The following C20orf203 variants were observed in gnomAD, a reference collection of about 807,000 sequenced individuals.
C20orf203 encodes the protein uncharacterized protein C20orf203.
A neutral mutation model predicts 15.9 loss-of-function variants in C20orf203; 16 were observed. That is an observed-to-expected ratio of 1.01 (90% confidence interval 0.68 to 1.53). The LOEUF is 1.53. Ranked by LOEUF, C20orf203 falls within the 40% of genes most tolerant of loss-of-function variation. The probability of loss-of-function intolerance (pLI) is 0.00; values close to 1 mark genes in which losing one functional copy is unlikely to be tolerated. For synonymous variants in C20orf203, 98 were observed against 97.2 expected, an observed-to-expected ratio of 1.01 and a Z score of -0.05; for missense variants, 263 against 247.5, an observed-to-expected ratio of 1.06 and a Z score of -0.42.
At chr20:32,671,875 GGGGTT>G (rs71970512) in intron 1 of C20orf203, among the ~76,000 whole-genome samples, 97,128 of 143,114 alleles carry the variant, frequency 0.68, 34,101 homozygotes, top group Middle Eastern at 0.83. Flanking sequence ...TAGTAGAATG[GGGGTT>G]GGGTTGCCAG....
chr20:32,650,450 T>C lies in C20orf203; in HGVS notation c.567A>G (p.Ser189=). 6.5e-7 allele frequency: 1 copy of C among 1,549,956 alleles called. No homozygotes were observed. The highest frequency in any genetic ancestry group is 1.7e-4 in the Middle Eastern group (1 of 5,986). The change falls in exon 4 of 6, where the codon TCA becomes TCG. Residue 189 remains serine (S), a synonymous_variant. Coordinates refer to ENST00000608990, the MANE Select transcript of C20orf203 (RefSeq NM_182584.4). ...ISKQQFLSNS[S]RSLFN Reference sequence around the variant, plus strand: ...GGCTCGGCTAATTAAACAGCGACCGTGATGAATTGGAGAGAAACTGCTGCT... The same window carrying C: ...GGCTCGGCTAATTAAACAGCGACCGCGATGAATTGGAGAGAAACTGCTGCT...
In C20orf203 at chr20:32,650,713, C is replaced by T. The variant is rs1982591820; in HGVS notation, c.304G>A (p.Glu102Lys). Residue 102 changes from glutamate to lysine, a missense_variant, in exon 4 of 6, where the codon GAG (glutamate) becomes AAG (lysine). Glu to Lys is a moderately conservative substitution (Grantham distance 56). Transcript: ENST00000608990. ...AGGCCTCCAACTTCCCCCCACCCCT[C>T]CCCACCAACCCAAATCCTTTCCTGA... ...PYQERIWVGG[E>K]GWGEVGGLRL... The T allele has an allele frequency of 6.5e-7, 1 of 1,547,024 alleles. No homozygotes were observed. Among genetic ancestry groups the T allele is most frequent in the Non-Finnish European group, 8.7e-7 (1 of 1,145,028 alleles).
chr20:32,644,112 G>A (rs1454183371), intron 4 of C20orf203, among the ~76,000 whole-genome samples: 1 of 152,200 alleles, frequency 6.6e-6, no homozygotes, highest in African/African-American at 2.4e-5. Context: ...TACCCAGAAG[G>A]TTGTCAGGAC....
In C20orf203 at chr20:32,634,264, C is replaced by G. The variant is rs2145657849; in HGVS notation, c.*1306G>C. On this transcript the variant is annotated 3_prime_UTR_variant, in exon 6 of 6. Coordinates refer to ENST00000608990, the MANE Select transcript of C20orf203 (RefSeq NM_182584.4). Reference sequence around the variant, plus strand: ...GAAAAGCTTCCTGGAGAAGGTTATGCTGGAGTCTGGAAAGATAAGAAAGAA... The same window carrying G: ...GAAAAGCTTCCTGGAGAAGGTTATGGTGGAGTCTGGAAAGATAAGAAAGAA... 5.0e-6 allele frequency: 2 copies of G among 398,480 alleles called. No individual in the cohort carries two copies. Among genetic ancestry groups the G allele is most frequent in the East Asian group, 7.1e-5 (2 of 28,076 alleles). 24.7% of individuals were successfully genotyped at this position (398,480 alleles called of 1,614,324 possible). A position where few individuals can be genotyped will look rare whatever the true frequency, so the allele number is the denominator to read the frequency against.
intron 4 of C20orf203, among the ~76,000 whole-genome samples, chr20:32,647,148 A>G (rs748671766): frequency 6.6e-6 from 1 of 152,200 alleles, no homozygotes; most frequent in Non-Finnish European, 1.5e-5. Context: ...TAATCCCAGC[A>G]CTTTGGGAGG....
chr20:32,643,618 C>T (rs866784768), intron 4 of C20orf203, among the ~76,000 whole-genome samples: 40 of 139,294 alleles, frequency 2.9e-4, no homozygotes, highest in African/African-American at 1.1e-3. Flanking sequence ...CCAGCCGCTT[C>T]CTGGAACCAC....
At chr20:32,652,522 T>C (rs1029046176) in intron 1 of C20orf203, among the ~76,000 whole-genome samples, 1 of 151,620 alleles carries the variant, frequency 6.6e-6, no homozygotes, top group African/African-American at 2.4e-5. Flanking sequence ...GGGGTGCTGA[T>C]GGAGCCTCCT....
intron 5 of C20orf203, among the ~76,000 whole-genome samples, chr20:32,639,884 G>T (rs77761872): frequency 6.6e-6 from 1 of 152,176 alleles, no homozygotes; most frequent in Admixed American, 6.5e-5. Flanking sequence ...TGGCACACAC[G>T]TAATCATAAC....
intron 1 of C20orf203, chr20:32,657,521 G>A (rs1405649492): frequency 7.0e-6 from 1 of 142,342 alleles, no homozygotes; most frequent in Non-Finnish European, 1.6e-5. Flanking sequence ...AACAACAAAG[G>A]AGTTTGAGAC....
intron 1 of C20orf203, among the ~76,000 whole-genome samples, chr20:32,664,942 C>T (rs1281080141): frequency 6.6e-6 from 1 of 152,236 alleles, no homozygotes; most frequent in Non-Finnish European, 1.5e-5. Flanking sequence ...TGCTAGTGTG[C>T]AGCAGGGCTG....
In C20orf203 at chr20:32,651,071, A is replaced by G. The variant is rs1014082095; in HGVS notation, c.82T>C (p.Trp28Arg). 2 of 1,528,692 alleles carry G rather than the reference A, an allele frequency of 1.3e-6. No individual in the cohort carries two copies. Among genetic ancestry groups the G allele is most frequent in the African/African-American group, 2.8e-5 (2 of 71,894 alleles). The allele number at this position is 1,528,692 out of a possible 1,614,324, so 94.7% of individuals were successfully genotyped here. The change falls in exon 3 of 6, where the codon TGG (tryptophan) becomes CGG (arginine). Residue 28 changes from tryptophan (W) to arginine (R), a missense_variant. By Grantham distance (101) the Trp-to-Arg change is moderately radical. Coordinates refer to ENST00000608990, the MANE Select transcript of C20orf203 (RefSeq NM_182584.4). Reference sequence around the variant, plus strand: ...GGAAAACTGGCCAGGCGAGGTGGCCACTGCCTGTGATCCAGCATGTTGGGA... The same window carrying G: ...GGAAAACTGGCCAGGCGAGGTGGCCGCTGCCTGTGATCCAGCATGTTGGGA... ...QPPNMLDHRQ[W>R]PPRLASFPFT...
intron 4 of C20orf203, among the ~76,000 whole-genome samples, chr20:32,641,362 G>C (rs1046264603): frequency 6.9e-6 from 1 of 144,702 alleles, no homozygotes; most frequent in African/African-American, 2.5e-5. Context: ...AAGGAAGAAA[G>C]AAACAGACAT....
rs1163861533 is a variant in C20orf203, at chr20:32,631,934, C to CCCTGCAATCTGGAGGTATGT, written c.*3616_*3635dup. On this transcript the variant is annotated 3_prime_UTR_variant, in exon 6 of 6. Transcript: ENST00000608990. ...CACAGCAGCAGTAGCATACGCAGGT[C>CCCTGCAATCTGGAGGTATGT]CCTGCAATCTGGAGGTATGTGACAC... 6.6e-6 allele frequency: 1 copy of CCCTGCAATCTGGAGGTATGT among 152,238 alleles called. No homozygotes were observed. The highest frequency in any genetic ancestry group is 1.5e-5 in the Non-Finnish European group (1 of 68,064). 9.4% of individuals were successfully genotyped at this position (152,238 alleles called of 1,614,324 possible). A position where few individuals can be genotyped will look rare whatever the true frequency, so the allele number is the denominator to read the frequency against.
chr20:32,673,138 G>A (rs1768063460), intron 1 of C20orf203, among the ~76,000 whole-genome samples: 1 of 152,180 alleles, frequency 6.6e-6, no homozygotes, highest in Non-Finnish European at 1.5e-5. Flanking sequence ...GGAAGTGGAG[G>A]GGTTGCAGGG....
intron 4 of C20orf203, among the ~76,000 whole-genome samples, chr20:32,645,821 T>C (rs1024137132): frequency 4.6e-5 from 7 of 152,206 alleles, no homozygotes; most frequent in Admixed American, 3.3e-4. Flanking sequence ...GCATCACACC[T>C]GGGTCTGACT....
At position 32,646,307 on chromosome 20, in the gene C20orf203, G is replaced by A. The variant is rs147829907; in HGVS notation, c.*1177+2948C>T. 3.2e-4 allele frequency among the ~76,000 whole-genome samples: 48 copies of A among 151,830 alleles called. No individual in the cohort carries two copies. The East Asian group carries it at 9.1e-3, about 29-fold the overall frequency. On this transcript the variant is annotated intron_variant, in intron 4 of 5. Transcript: ENST00000608990. ...TGCAACCTCTGCCTCCTGGGTTCAA[G>A]CGATTCTCCCACCTCAACCTCCCGA...
chr20:32,635,055 C>T (rs1723876981), intron 5 of C20orf203, among the ~76,000 whole-genome samples: 1 of 152,084 alleles, frequency 6.6e-6, no homozygotes, highest in South Asian at 2.1e-4. Context: ...CAAAAATTAG[C>T]CGGGCATGGT....
At chr20:32,641,236 G>A (rs1178639136) in intron 4 of C20orf203, among the ~76,000 whole-genome samples, 1 of 151,140 alleles carries the variant, frequency 6.6e-6, no homozygotes, top group East Asian at 1.9e-4. Context: ...TAGGGAGGCT[G>A]AGGTGGAAGG....
chr20:32,646,581 G>A (rs764030499), intron 4 of C20orf203, among the ~76,000 whole-genome samples: 14 of 152,134 alleles, frequency 9.2e-5, no homozygotes, highest in Non-Finnish European at 1.6e-4. Flanking sequence ...ATGGCCTGCT[G>A]TTGTGGTCAA....
Sources: allele counts gnomAD v4.1 joint callset (sites outside exome capture counted in the v4.1 genomes callset), GRCh38; gene constraint gnomAD v4.1.1; transcripts MANE v1.5; gene names NCBI Gene and HGNC (gene_info 2026-07-23, HGNC 2026-07-21).